TENM1: variants seen among roughly 807,000 people sequenced by gnomAD.
TENM1 encodes teneurin-1.
In TENM1, 35 loss-of-function variants were observed where a neutral mutation model predicts 174.8. The observed-to-expected ratio is 0.20, with a 90% CI of 0.15 to 0.27. The LOEUF is 0.27. TENM1 is among the 10% of genes least tolerant of loss of function. The pLI is 1.00. For missense variants in TENM1, 1,633 were observed against 2,130.1 expected, an observed-to-expected ratio of 0.77 and a Z score of 4.59; for synonymous variants, 781 against 798.7, an observed-to-expected ratio of 0.98 and a Z score of 0.37.
At chrX:124,702,373 G>C (rs1242971298) in intron 5 of TENM1, among the ~76,000 whole-genome samples, 1 of 111,076 alleles carries the variant, frequency 9.0e-6, no homozygotes, top group African/African-American at 3.3e-5. Flanking sequence ...ACAGAACCAG[G>C]AACAAAGTTC....
intron 3 of TENM1, among the ~76,000 whole-genome samples, chrX:124,792,652 G>T (rs1047345905): frequency 9.0e-6 from 1 of 111,669 alleles, no homozygotes; most frequent in Non-Finnish European, 1.9e-5. Flanking sequence ...AAGGCACAAT[G>T]ACAGATGAAA....
intron 3 of TENM1, among the ~76,000 whole-genome samples, chrX:124,844,516 T>C (rs988217555): frequency 9.0e-6 from 1 of 111,149 alleles, no homozygotes; most frequent in Non-Finnish European, 1.9e-5. Context: ...GTGGTAATCA[T>C]GGTGGAGGGG....
chrX:124,438,972 G>T (rs183529047), intron 23 of TENM1, among the ~76,000 whole-genome samples: 336 of 111,215 alleles, frequency 3.0e-3, no homozygotes, highest in African/African-American at 3.7e-3. Flanking sequence ...GTTAAATTTG[G>T]TTTTTTTTAT....
chrX:124,658,682 TTAAC>T (rs750457066), intron 6 of TENM1, among the ~76,000 whole-genome samples: 1 of 111,955 alleles, frequency 8.9e-6, no homozygotes, highest in Admixed American at 9.5e-5. Context: ...GAAAAGTTAA[TTAAC>T]TAATCTTACA....
chrX:124,603,325 T>C (rs2213413), intron 11 of TENM1, among the ~76,000 whole-genome samples: 25,964 of 110,907 alleles, frequency 0.23, 2,302 homozygotes, highest in South Asian at 0.42. Flanking sequence ...ATGATGCAAT[T>C]TAAACATGCA....
chrX:124,745,463 T>C (rs1344923707), intron 3 of TENM1, among the ~76,000 whole-genome samples: 2 of 111,648 alleles, frequency 1.8e-5, no homozygotes, highest in Non-Finnish European at 3.8e-5. Flanking sequence ...TGCGGTCACC[T>C]GTTGCTATAA....
At chrX:125,081,060 T>C in the TENM1 span, among the ~76,000 whole-genome samples, 16 of 111,426 alleles carry the variant, frequency 1.4e-4, no homozygotes, top group Non-Finnish European at 2.6e-4. Context: ...TTATCACCCA[T>C]GTAACTTTTC....
chrX:124,980,529 G>A, the TENM1 span, among the ~76,000 whole-genome samples: 1 of 111,118 alleles, frequency 9.0e-6, no homozygotes, highest in East Asian at 2.8e-4. Context: ...AAAATAAAAA[G>A]TTAAAATAGT....
At chrX:124,734,347 C>T (rs1603092265) in intron 4 of TENM1, among the ~76,000 whole-genome samples, 2 of 110,595 alleles carry the variant, frequency 1.8e-5, no homozygotes, top group East Asian at 5.7e-4. Context: ...CTACTCTGGA[C>T]GCTGAGGCAG....
exon 6 of TENM1, chrX:124,671,831 C>T (rs1464645538): frequency 1.7e-6 from 2 of 1,209,259 alleles, no homozygotes; most frequent in East Asian, 3.0e-5. Context: ...CGAACAAATG[C>T]ACTGCTGCAA....
Position 124,503,544 on chromosome X carries a change from T to C in TENM1, c.3445+16A>G. 1 of 1,189,235 alleles carries C rather than the reference T, an allele frequency of 8.4e-7. No homozygotes were observed. Among genetic ancestry groups the C allele is most frequent in the Non-Finnish European group, 1.1e-6 (1 of 884,911 alleles). ...TTAGGAAAGTAGTATTCATACAAAT[T>C]TAAAAAGCTACTTACCACTTTGAGG... On this transcript the variant is annotated intron_variant, in intron 19 of 31. Coordinates refer to ENST00000422452, the Ensembl canonical transcript of TENM1.
At chrX:124,579,935 G>A (rs1459481445) in intron 11 of TENM1, among the ~76,000 whole-genome samples, 1 of 111,692 alleles carries the variant, frequency 9.0e-6, no homozygotes, top group African/African-American at 3.3e-5. Flanking sequence ...AGTTATGTTT[G>A]GTTTTGGTTG....
chrX:124,710,785 A>C (rs1480316040), intron 4 of TENM1, among the ~76,000 whole-genome samples: 4 of 112,359 alleles, frequency 3.6e-5, no homozygotes, highest in Non-Finnish European at 7.5e-5. Flanking sequence ...TTCTATGCTG[A>C]AAGTGATCTG....
At chrX:124,591,244 T>G (rs1022886209) in intron 11 of TENM1, among the ~76,000 whole-genome samples, 2 of 111,664 alleles carry the variant, frequency 1.8e-5, no homozygotes, top group Admixed American at 1.9e-4. Context: ...AGGTAAATAT[T>G]GACATGTGAG....
the TENM1 span, among the ~76,000 whole-genome samples, chrX:125,088,777 A>G: frequency 9.0e-6 from 1 of 110,792 alleles, no homozygotes; most frequent in Non-Finnish European, 1.9e-5. Context: ...GATTACACTG[A>G]AATCCCAGAC....
At chrX:125,101,913 T>C in the TENM1 span, among the ~76,000 whole-genome samples, 1 of 112,036 alleles carries the variant, frequency 8.9e-6, no homozygotes, top group Non-Finnish European at 1.9e-5. Context: ...TACCCAATTC[T>C]GTGTTAAGCA....
At chrX:125,189,299 C>T in the TENM1 span, among the ~76,000 whole-genome samples, 1 of 111,935 alleles carries the variant, frequency 8.9e-6, no homozygotes, top group Non-Finnish European at 1.9e-5. Flanking sequence ...TCTCTCTATT[C>T]CACTCAAGAA....
At chrX:125,184,724 C>A in the TENM1 span, among the ~76,000 whole-genome samples, 1 of 111,495 alleles carries the variant, frequency 9.0e-6, no homozygotes, top group East Asian at 2.8e-4. Flanking sequence ...TTCAGATCAT[C>A]CTTTTGACTT....
At chrX:124,877,257 C>G (rs2057220837) in intron 3 of TENM1, among the ~76,000 whole-genome samples, 1 of 112,159 alleles carries the variant, frequency 8.9e-6, no homozygotes, top group South Asian at 3.7e-4. Flanking sequence ...CCATGTTACC[C>G]ATTCATAGAG....
Sources: allele counts gnomAD v4.1 joint callset (sites outside exome capture counted in the v4.1 genomes callset), GRCh38; gene constraint gnomAD v4.1.1; transcripts MANE v1.5; gene names NCBI Gene and HGNC (gene_info 2026-07-23, HGNC 2026-07-21).